Variants in ULK4 observed in about 807,000 individuals in gnomAD.
The protein encoded by ULK4 is inactive serine/threonine-protein kinase ULK4.
A neutral mutation model predicts 160.6 loss-of-function variants in ULK4; 133 were observed. That is an observed-to-expected ratio of 0.83 (90% CI 0.72 to 0.96). The LOEUF is 0.96. ULK4 is among the 40% of genes least tolerant of loss of function. The probability of loss-of-function intolerance (pLI) is 0.00; values close to 1 mark genes in which losing one functional copy is unlikely to be tolerated. For missense variants in ULK4, 1,580 were observed against 1,499.5 expected, an observed-to-expected ratio of 1.05 and a Z score of -0.89; for synonymous variants, 534 against 539.8, an observed-to-expected ratio of 0.99 and a Z score of 0.15.
chr3:41,699,119 ATTGCT>A (rs1399734252), intron 27 of ULK4, among the ~76,000 whole-genome samples: 1 of 152,132 alleles, frequency 6.6e-6, no homozygotes, highest in Non-Finnish European at 1.5e-5. Flanking sequence ...TAGAAGTAAA[ATTGCT>A]GAGTCACAGT....
chr3:41,292,547 G>T (rs1401266022), intron 35 of ULK4, among the ~76,000 whole-genome samples: 2 of 152,188 alleles, frequency 1.3e-5, no homozygotes, highest in Non-Finnish European at 1.5e-5. Context: ...TCGGGAGGCT[G>T]AGGTAGGGAG....
intron 27 of ULK4, among the ~76,000 whole-genome samples, chr3:41,699,324 C>T (rs181963194): frequency 3.3e-5 from 5 of 152,256 alleles, no homozygotes; most frequent in African/African-American, 1.2e-4. Context: ...CAGCCTTTCC[C>T]TGAAAAATTT....
At chr3:41,413,919 T>C (rs2082468589) in intron 34 of ULK4, among the ~76,000 whole-genome samples, 1 of 152,172 alleles carries the variant, frequency 6.6e-6, no homozygotes, top group Non-Finnish European at 1.5e-5. Flanking sequence ...GTACGTCCAT[T>C]TGGGGCTGGG....
intron 16 of ULK4, among the ~76,000 whole-genome samples, chr3:41,886,722 C>G (rs1437784924): frequency 6.6e-6 from 1 of 151,986 alleles, no homozygotes; most frequent in Non-Finnish European, 1.5e-5. Context: ...ATTACAGGCA[C>G]GCACCACCAT....
intron 31 of ULK4, among the ~76,000 whole-genome samples, chr3:41,573,868 C>T (rs1295531870): frequency 6.6e-6 from 1 of 152,104 alleles, no homozygotes; most frequent in Non-Finnish European, 1.5e-5. Flanking sequence ...AGCTCTGAGA[C>T]CCAAGCTCAG....
chr3:41,389,675 T>G (rs1159510572), intron 35 of ULK4, among the ~76,000 whole-genome samples: 3 of 152,230 alleles, frequency 2.0e-5, no homozygotes, highest in African/African-American at 4.8e-5. Context: ...GGATTATGTT[T>G]ATTGATTTGC....
intron 21 of ULK4, among the ~76,000 whole-genome samples, chr3:41,782,463 A>G (rs549369609): frequency 1.3e-5 from 2 of 152,306 alleles, no homozygotes; most frequent in East Asian, 3.9e-4. Flanking sequence ...ACCAAATTTA[A>G]AAAGACGGAG....
chr3:41,881,480 G>T (rs554928101), intron 17 of ULK4, among the ~76,000 whole-genome samples: 45 of 152,232 alleles, frequency 3.0e-4, no homozygotes, highest in African/African-American at 1.0e-3. Context: ...CAGGAATTAG[G>T]TTGGTGCAAA....
At chr3:41,368,345 G>A (rs59142862) in intron 35 of ULK4, among the ~76,000 whole-genome samples, 41,353 of 151,898 alleles carry the variant, frequency 0.27, 5,850 homozygotes, top group Middle Eastern at 0.35. Flanking sequence ...CACCAAGCCC[G>A]GCCTGTGTTG....
chr3:41,530,766 A>G (rs1254846885), intron 32 of ULK4, among the ~76,000 whole-genome samples: 3 of 152,118 alleles, frequency 2.0e-5, no homozygotes, highest in African/African-American at 7.2e-5. Flanking sequence ...ATGAATTTTT[A>G]TTTATTTATA....
At chr3:41,416,212 T>G (rs1456562337) in intron 34 of ULK4, among the ~76,000 whole-genome samples, 1 of 151,818 alleles carries the variant, frequency 6.6e-6, no homozygotes, top group Non-Finnish European at 1.5e-5. Flanking sequence ...TGGGACAAAT[T>G]TGTCCCCACA....
chr3:41,456,597 T>C (rs2083560183), intron 33 of ULK4, among the ~76,000 whole-genome samples: 2 of 152,238 alleles, frequency 1.3e-5, no homozygotes, highest in African/African-American at 4.8e-5. Context: ...TTTATAGAAC[T>C]GTCTAATTCC....
intron 19 of ULK4, among the ~76,000 whole-genome samples, chr3:41,805,144 C>T (rs1278428696): frequency 1.3e-5 from 2 of 152,138 alleles, no homozygotes; most frequent in African/African-American, 2.4e-5. Context: ...TTGTTTGTAT[C>T]CTCTTTAATT....
intron 35 of ULK4, among the ~76,000 whole-genome samples, chr3:41,328,721 C>T (rs897400390): frequency 6.6e-6 from 1 of 151,984 alleles, no homozygotes; most frequent in Non-Finnish European, 1.5e-5. Flanking sequence ...TTACAGTTCT[C>T]GGGATTGAAC....
intron 21 of ULK4, among the ~76,000 whole-genome samples, chr3:41,788,103 A>C (rs953086602): frequency 6.6e-6 from 1 of 152,224 alleles, no homozygotes; most frequent in Admixed American, 6.5e-5. Flanking sequence ...TTTGTTAGAA[A>C]AAAATACTGT....
intron 21 of ULK4, among the ~76,000 whole-genome samples, chr3:41,757,870 G>A (rs530191237): frequency 3.3e-4 from 50 of 152,020 alleles, no homozygotes; most frequent in Non-Finnish European, 5.0e-4. Flanking sequence ...CACATGATCC[G>A]CCTGCCTTGG....
intron 34 of ULK4, among the ~76,000 whole-genome samples, chr3:41,409,754 G>A (rs971722805): frequency 1.3e-5 from 2 of 152,008 alleles, no homozygotes; most frequent in African/African-American, 4.8e-5. Context: ...TTTGAGACCA[G>A]CCTGGCCAAC....
intron 17 of ULK4, among the ~76,000 whole-genome samples, chr3:41,836,283 G>A (rs2041754458): frequency 6.6e-6 from 1 of 151,704 alleles, no homozygotes; most frequent in Admixed American, 6.6e-5. Context: ...AGAGATTCTT[G>A]TGCCTCAACC....
At chr3:41,565,983 T>C (rs763809951) in intron 32 of ULK4, 42 bp downstream of exon 32, 407 of 1,512,500 alleles carry the variant, frequency 2.7e-4, no homozygotes, top group Non-Finnish European at 3.4e-4. Flanking sequence ...AAGAAATGAA[T>C]AGGCAAAACT....
Sources: gnomAD v4.1 joint callset for allele counts (sites outside exome capture counted in the v4.1 genomes callset) on GRCh38, gnomAD v4.1.1 for gene constraint, MANE v1.5 for transcripts, NCBI Gene and HGNC (gene_info 2026-07-23, HGNC 2026-07-21) for gene names.